EPAS1: variants seen among roughly 807,000 people sequenced by gnomAD.
The protein encoded by EPAS1 is endothelial PAS domain protein 1.
A neutral mutation model predicts 87.9 loss-of-function variants in EPAS1; 23 were observed. The ratio of observed to expected loss-of-function variants is 0.26; its 90% CI spans 0.19 to 0.37. The LOEUF is 0.37. Among genes scored for constraint, EPAS1 ranks in the 10% least tolerant of loss-of-function variants. The pLI is 1.00. For missense variants in EPAS1, 1,138 were observed against 1,120.7 expected, an observed-to-expected ratio of 1.02 and a Z score of -0.22; for synonymous variants, 508 against 444.3, an observed-to-expected ratio of 1.14 and a Z score of -1.80.
chr2:46,302,118 C>CTGTGTG (rs35880089), intron 1 of EPAS1, among the ~76,000 whole-genome samples: 14 of 127,642 alleles, frequency 1.1e-4, no homozygotes, highest in East Asian at 2.5e-4. Context: ...CTCTTTCTCT[C>CTGTGTG]TGTGTGTGTG....
rs1558613085 is a variant in EPAS1, at chr2:46,382,084, C to T, written c.2282C>T (p.Pro761Leu). 1.2e-6 allele frequency: 2 copies of T among 1,613,818 alleles called. No individual in the cohort carries two copies. Among genetic ancestry groups the T allele is most frequent in the South Asian group, 1.1e-5 (1 of 91,048 alleles). The change falls in exon 14 of 16, where the codon CCC (proline) becomes CTC (leucine). Residue 761 changes from proline to leucine, a missense_variant. Physicochemically the swap from Pro to Leu is moderately conservative, Grantham distance 98 (BLOSUM62 -3). This residue lies in a region of EPAS1 where 502 missense variants were observed against 427.1 expected (regional missense o/e 1.18). Coordinates refer to ENST00000263734, the MANE Select transcript of EPAS1 (RefSeq NM_001430.5). ...GACAAGCCACTGAGCGCAAATGTAC[C>T]CAATGGTGAGCAGCGGCCACAGGCC... is the stretch of plus-strand genomic sequence containing the variant. ...MPDKPLSANV[P>L]NDKFTQNPMR...
At chr2:46,362,912 G>A (rs780961639) in intron 6 of EPAS1, among the ~76,000 whole-genome samples, 7 of 145,006 alleles carry the variant, frequency 4.8e-5, no homozygotes, top group African/African-American at 7.7e-5. Flanking sequence ...GAAGCCTTCC[G>A]TCCTGGAACT....
intron 15 of EPAS1, among the ~76,000 whole-genome samples, chr2:46,383,413 TG>T (rs1200990465): frequency 6.6e-6 from 1 of 152,224 alleles, no homozygotes; most frequent in Non-Finnish European, 1.5e-5. Context: ...TCATGAGGTT[TG>T]TTTGGCCTGA....
chr2:46,375,791 C>G lies in EPAS1; in HGVS notation c.988C>G (p.Arg330Gly). 1 of 1,614,236 alleles carries G rather than the reference C, an allele frequency of 6.2e-7. No homozygotes were observed. The highest frequency in any genetic ancestry group is 1.1e-5 in the South Asian group (1 of 91,084). ...CCAGGGGACGGTCATCTACAACCCT[C>G]GCAACCTGCAGCCCCAGTGCATCAT... ...ETQGTVIYNP[R>G]NLQPQCIMCV... Residue 330 changes from arginine to glycine, a missense_variant, in exon 8 of 16, where the codon CGC (arginine) becomes GGC (glycine). By Grantham distance (125) the Arg-to-Gly change is moderately radical. This residue lies in a region of EPAS1 where 284 missense variants were observed against 258.4 expected (regional missense o/e 1.10). Coordinates refer to ENST00000263734, the MANE Select transcript of EPAS1 (RefSeq NM_001430.5). This position sits in a 1 kb window ranked among gnomAD's most constrained non-coding sequence, Gnocchi z 4.1.
chr2:46,347,847 G>T lies in EPAS1; in HGVS notation c.217+784G>T, dbSNP rs188157162. On this transcript the variant is annotated intron_variant, in intron 2 of 15. Transcript: ENST00000263734. This position sits in a 1 kb window ranked among gnomAD's most constrained non-coding sequence, Gnocchi z 4.2. ...GTTTCAGATCCTAGGTGACATTCTC[G>T]TCAGGGGTGTCAGTTCTGTAAGGAC... is the stretch of plus-strand genomic sequence containing the variant. Among the ~76,000 whole-genome samples the T allele has an allele frequency of 1.6e-4, 25 of 152,292 alleles. No individual in the cohort carries two copies. The highest frequency in any genetic ancestry group is 5.8e-4 in the East Asian group (3 of 5,188).
At chr2:46,318,687 A>G (rs1291394282) in intron 1 of EPAS1, among the ~76,000 whole-genome samples, 1 of 152,104 alleles carries the variant, frequency 6.6e-6, no homozygotes, top group Non-Finnish European at 1.5e-5. Context: ...TAGTGTGGTG[A>G]TTTTTAGGAG....
At chr2:46,340,001 G>T (rs1243328301) in intron 1 of EPAS1, among the ~76,000 whole-genome samples, 1 of 152,202 alleles carries the variant, frequency 6.6e-6, no homozygotes, top group Non-Finnish European at 1.5e-5. Context: ...TTGAGGGGAC[G>T]TAAACATTCA....
intron 1 of EPAS1, among the ~76,000 whole-genome samples, chr2:46,336,302 G>A (rs1683793978): frequency 1.3e-5 from 2 of 152,188 alleles, no homozygotes; most frequent in South Asian, 4.2e-4. Flanking sequence ...CCTTCCCCTG[G>A]TACTTACAGC....
intron 1 of EPAS1, among the ~76,000 whole-genome samples, chr2:46,320,841 G>A (rs934169544): frequency 6.6e-6 from 1 of 152,166 alleles, no homozygotes; most frequent in African/African-American, 2.4e-5. Flanking sequence ...GCTGGTAGTG[G>A]TGGGGTTAAG....
At chr2:46,339,689 A>G (rs1197976765) in intron 1 of EPAS1, among the ~76,000 whole-genome samples, 1 of 152,256 alleles carries the variant, frequency 6.6e-6, no homozygotes, top group Non-Finnish European at 1.5e-5. Context: ...CCATTTGGGC[A>G]GCTACAACAA....
chr2:46,352,051 T>G (rs976606400), intron 2 of EPAS1, among the ~76,000 whole-genome samples: 1 of 152,206 alleles, frequency 6.6e-6, no homozygotes, highest in Non-Finnish European at 1.5e-5. Context: ...TAAAGAATCT[T>G]GTTATGCTCC....
chr2:46,326,909 C>T (rs1394777968), intron 1 of EPAS1, among the ~76,000 whole-genome samples: 1 of 152,158 alleles, frequency 6.6e-6, no homozygotes, highest in Non-Finnish European at 1.5e-5. Flanking sequence ...TGCCTGGGTT[C>T]CAGTCCGAGA....
At chr2:46,322,132 G>A (rs913247381) in intron 1 of EPAS1, among the ~76,000 whole-genome samples, 4 of 152,062 alleles carry the variant, frequency 2.6e-5, no homozygotes, top group South Asian at 2.1e-4. Context: ...CTTGGGGGAG[G>A]AAATCTCCCA....
intron 2 of EPAS1, among the ~76,000 whole-genome samples, chr2:46,348,632 AC>A (rs1158625435): frequency 4.0e-5 from 6 of 151,876 alleles, no homozygotes; most frequent in Admixed American, 1.3e-4. Context: ...TTTCATCACC[AC>A]TCCCAATTCC....
chr2:46,341,233 C>G (rs892050360), intron 1 of EPAS1, among the ~76,000 whole-genome samples: 1 of 152,192 alleles, frequency 6.6e-6, no homozygotes, highest in Admixed American at 6.5e-5. Flanking sequence ...AAAGTCTTAT[C>G]TTTTGAGGGC....
chr2:46,356,361 G>T (rs541375668), intron 3 of EPAS1, 59 bp downstream of exon 3: 19 of 1,604,436 alleles, frequency 1.2e-5, no homozygotes, highest in African/African-American at 2.7e-5. Flanking sequence ...GGGTAGAAAT[G>T]AGTGGAAGGT....
At chr2:46,305,825 C>T (rs530945947) in intron 1 of EPAS1, among the ~76,000 whole-genome samples, 6 of 152,300 alleles carry the variant, frequency 3.9e-5, no homozygotes, top group Non-Finnish European at 7.4e-5. Flanking sequence ...TAATCAAACA[C>T]GTGGGCAGGA....
chr2:46,345,075 C>G (rs750751268), intron 1 of EPAS1, among the ~76,000 whole-genome samples: 2 of 152,214 alleles, frequency 1.3e-5, no homozygotes, highest in African/African-American at 2.4e-5. Flanking sequence ...CAGGACAGAA[C>G]GAGCCAGCTA....
At chr2:46,308,590 C>T (rs548612631) in intron 1 of EPAS1, among the ~76,000 whole-genome samples, 8 of 152,102 alleles carry the variant, frequency 5.3e-5, no homozygotes, top group Non-Finnish European at 1.0e-4. Flanking sequence ...TAGATTTGAC[C>T]CCTTTACTTA....
Sources: gnomAD v4.1 joint callset for allele counts (sites outside exome capture counted in the v4.1 genomes callset) on GRCh38, gnomAD v4.1.1 for gene constraint, gnomAD v4.1.1 regional missense constraint, Gnocchi (gnomAD v3.1) non-coding constraint, MANE v1.5 for transcripts, NCBI Gene and HGNC (gene_info 2026-07-23, HGNC 2026-07-21) for gene names.